Variants in KCNIP4 observed in about 807,000 individuals in gnomAD.
The protein encoded by KCNIP4 is Kv channel-interacting protein 4.
In KCNIP4, 12 loss-of-function variants were observed where a neutral mutation model predicts 34.0. That is an observed-to-expected ratio of 0.35 (90% CI 0.23 to 0.57). The LOEUF (loss-of-function observed/expected upper bound fraction) is 0.57. Among genes scored for constraint, KCNIP4 ranks in the 20% least tolerant of loss-of-function variants. The pLI is 0.83. For missense variants in KCNIP4, 238 were observed against 311.7 expected (o/e 0.76, Z 1.78); for synonymous variants, 124 against 102.2 (o/e 1.21, Z -1.29).
chr4:21,642,182 C>A (rs1355938295), intron 1 of KCNIP4, among the ~76,000 whole-genome samples: 1 of 152,150 alleles, frequency 6.6e-6, no homozygotes, highest in African/African-American at 2.4e-5. Context: ...AATGAGACCA[C>A]AATCATGGAA....
At chr4:21,627,303 G>A (rs1223444866) in intron 1 of KCNIP4, among the ~76,000 whole-genome samples, 1 of 152,012 alleles carries the variant, frequency 6.6e-6, no homozygotes, top group Non-Finnish European at 1.5e-5. Context: ...ACTATGGTTT[G>A]GTTGAGCTCT....
At chr4:21,902,621 A>T (rs2108970011) in intron 1 of KCNIP4, among the ~76,000 whole-genome samples, 1 of 152,212 alleles carries the variant, frequency 6.6e-6, no homozygotes, top group East Asian at 1.9e-4. Context: ...AGGCTATGAC[A>T]CAGGACTGGT....
chr4:21,781,991 A>C (rs4340784), intron 1 of KCNIP4, among the ~76,000 whole-genome samples: 97,219 of 151,718 alleles, frequency 0.64, 32,273 homozygotes, highest in Non-Finnish European at 0.73. Flanking sequence ...ATGAAATTCA[A>C]AAATGTTCAA....
intron 1 of KCNIP4, among the ~76,000 whole-genome samples, chr4:21,192,923 T>TG (rs1755762544): frequency 1.9e-5 from 1 of 53,768 alleles, no homozygotes; most frequent in Non-Finnish European, 3.1e-5. Context: ...TCTCTACTAC[T>TG]ACTACTACTA....
At chr4:21,524,982 T>C (rs1402304585) in intron 1 of KCNIP4, among the ~76,000 whole-genome samples, 2 of 152,150 alleles carry the variant, frequency 1.3e-5, no homozygotes, top group Non-Finnish European at 2.9e-5. Flanking sequence ...AAGACTGTTT[T>C]CCAATAGAGC....
intron 1 of KCNIP4, among the ~76,000 whole-genome samples, chr4:21,693,990 T>C (rs1413664942): frequency 2.6e-5 from 4 of 152,134 alleles, no homozygotes; most frequent in Admixed American, 2.6e-4. Flanking sequence ...GAAAAATGTG[T>C]TCAGGTCTTG....
At chr4:21,247,578 C>T (rs911532107) in intron 1 of KCNIP4, among the ~76,000 whole-genome samples, 7 of 133,996 alleles carry the variant, frequency 5.2e-5, no homozygotes, top group East Asian at 2.2e-4. Flanking sequence ...GATATAAATA[C>T]ATATATATAT....
At chr4:20,895,174 T>C (rs1726370429) in intron 1 of KCNIP4, among the ~76,000 whole-genome samples, 1 of 152,234 alleles carries the variant, frequency 6.6e-6, no homozygotes, top group African/African-American at 2.4e-5. Flanking sequence ...GTGTAGTTTC[T>C]AGCTGCAGAA....
intron 1 of KCNIP4, among the ~76,000 whole-genome samples, chr4:21,378,971 G>C (rs1495521): frequency 0.58 from 87,861 of 151,814 alleles, 25,850 homozygotes; most frequent in Non-Finnish European, 0.63. Flanking sequence ...CTGTCCAACA[G>C]GTTAAAAACA....
chr4:21,537,575 A>C (rs187557076), intron 1 of KCNIP4, among the ~76,000 whole-genome samples: 1 of 152,280 alleles, frequency 6.6e-6, no homozygotes, highest in Admixed American at 6.5e-5. Flanking sequence ...GTGTTCCTTA[A>C]AATTTCGTGT....
intron 1 of KCNIP4, among the ~76,000 whole-genome samples, chr4:20,955,249 G>A (rs754690884): frequency 2.0e-4 from 30 of 152,204 alleles, no homozygotes; most frequent in African/African-American, 5.3e-4. Context: ...TCTTAAACAC[G>A]GCAAAATGTG....
intron 4 of KCNIP4, chr4:20,752,980 T>C (rs999382916): frequency 4.6e-5 from 7 of 152,252 alleles, no homozygotes; most frequent in Non-Finnish European, 7.3e-5. Context: ...TCTCCGTCTA[T>C]GACCTCTTCG....
In KCNIP4 at chr4:20,923,328, C is replaced by G. The variant is rs1183137319; in HGVS notation, c.62-40619G>C. Among the ~76,000 whole-genome samples the G allele has an allele frequency of 2.0e-5, 3 of 152,266 alleles. No homozygotes were observed. The East Asian group carries it at 5.8e-4, about 29-fold the overall frequency. On this transcript the variant is annotated intron_variant, in intron 1 of 8. Coordinates refer to ENST00000382152, the MANE Select transcript of KCNIP4 (RefSeq NM_025221.6). Reference sequence around the variant, plus strand: ...ACAAATTTAAAATTCACTTAATGAACTCAATTATTGTGTCAGCTTATAAAT... The same window carrying G: ...ACAAATTTAAAATTCACTTAATGAAGTCAATTATTGTGTCAGCTTATAAAT...
At chr4:21,701,828 C>T (rs951593656) in intron 1 of KCNIP4, among the ~76,000 whole-genome samples, 4 of 151,812 alleles carry the variant, frequency 2.6e-5, no homozygotes, top group East Asian at 1.9e-4. Context: ...CTCAGCCTCC[C>T]GAGTAGCTGG....
At chr4:21,059,155 G>T (rs1204751616) in intron 1 of KCNIP4, among the ~76,000 whole-genome samples, 1 of 152,100 alleles carries the variant, frequency 6.6e-6, no homozygotes, top group East Asian at 1.9e-4. Context: ...ACCTAGTTTT[G>T]GGTATGTTAT....
At chr4:20,901,997 C>A (rs144931783) in intron 1 of KCNIP4, among the ~76,000 whole-genome samples, 26 of 152,084 alleles carry the variant, frequency 1.7e-4, no homozygotes, top group Admixed American at 1.7e-3. Flanking sequence ...TAGCTTTGAT[C>A]TTTGGAATTC....
intron 1 of KCNIP4, among the ~76,000 whole-genome samples, chr4:21,484,659 T>C (rs1731758789): frequency 6.6e-6 from 1 of 152,116 alleles, no homozygotes; most frequent in Non-Finnish European, 1.5e-5. Flanking sequence ...CTCATCTACC[T>C]CATTGTTTAT....
chr4:21,226,882 C>G (rs1484040732), intron 1 of KCNIP4, among the ~76,000 whole-genome samples: 1 of 151,856 alleles, frequency 6.6e-6, no homozygotes, highest in East Asian at 1.9e-4. Flanking sequence ...TTTTTTTACT[C>G]TGCACCTTAG....
chr4:21,283,003 A>C (rs1033923029), intron 1 of KCNIP4, among the ~76,000 whole-genome samples: 1 of 152,228 alleles, frequency 6.6e-6, no homozygotes, highest in Admixed American at 6.5e-5. Flanking sequence ...TTAGCAATAA[A>C]AGACTGAATT....
Sources: gnomAD v4.1 joint callset for allele counts (sites outside exome capture counted in the v4.1 genomes callset) on GRCh38, gnomAD v4.1.1 for gene constraint, MANE v1.5 for transcripts, NCBI Gene and HGNC (gene_info 2026-07-23, HGNC 2026-07-21) for gene names.